Variants in ABCC6 observed in about 807,000 individuals in gnomAD.
ABCC6 encodes ATP binding cassette subfamily C member 6.
A neutral mutation model predicts 169.5 loss-of-function variants in ABCC6; 126 were observed. The ratio of observed to expected loss-of-function variants is 0.74; its 90% CI spans 0.64 to 0.86. ABCC6 has a LOEUF of 0.86. Ranked by LOEUF, ABCC6 falls within the 40% of genes least tolerant of loss-of-function variation. The pLI is 0.00. For missense variants in ABCC6, 1,733 were observed against 1,927.2 expected (o/e 0.90, Z 1.89); for synonymous variants, 752 against 814.7 (o/e 0.92, Z 1.31).
intron 15 of ABCC6, chr16:16,184,266 C>T (rs1223145026): frequency 6.8e-5 from 13 of 191,116 alleles, no homozygotes; most frequent in South Asian, 5.8e-4. Context: ...CTTATGATCT[C>T]GGCTTGAATG....
At chr16:16,201,913 C>T (rs1567527701) in intron 9 of ABCC6, 88 bp downstream of exon 9, 15 of 1,428,862 alleles carry the variant, frequency 1.0e-5, no homozygotes, top group Non-Finnish European at 1.5e-5. Flanking sequence ...GGACTGAATG[C>T]GTTCTCAGCT....
chr16:16,204,875 G>A (rs1377753467), intron 7 of ABCC6, among the ~76,000 whole-genome samples: 7 of 144,646 alleles, frequency 4.8e-5, no homozygotes, highest in Non-Finnish European at 9.0e-5. Flanking sequence ...CGCTCTTGTC[G>A]CCCAGGCTGG....
At chr16:16,164,416 G>A (rs2046817399) in intron 23 of ABCC6, among the ~76,000 whole-genome samples, 1 of 152,096 alleles carries the variant, frequency 6.6e-6, no homozygotes, top group Non-Finnish European at 1.5e-5. Context: ...TGTCAATCAT[G>A]GGACCTGATC....
chr16:16,161,673 C>A, intron 24 of ABCC6, 109 bp from the exon 25 acceptor site: 1 of 1,451,844 alleles, frequency 6.9e-7, no homozygotes, highest in African/African-American at 1.4e-5. Flanking sequence ...ACAGGGGTCC[C>A]AGCAATGGCC....
intron 17 of ABCC6, chr16:16,182,038 T>C (rs2047491916): frequency 2.8e-6 from 1 of 355,220 alleles, no homozygotes; most frequent in Non-Finnish European, 5.4e-6. Flanking sequence ...ATATATCCTG[T>C]TTCTTGGACA....
chr16:16,219,430 T>C (rs2049000861), intron 4 of ABCC6, 124 bp downstream of exon 4: 1 of 616,486 alleles, frequency 1.6e-6, no homozygotes, highest in Non-Finnish European at 2.9e-6. Context: ...AGAGTGTAAG[T>C]GACTGGCTTG....
chr16:16,153,679 C>T (rs762532710), intron 29 of ABCC6, among the ~76,000 whole-genome samples: 1 of 151,922 alleles, frequency 6.6e-6, no homozygotes, highest in African/African-American at 2.4e-5. Context: ...AATCCCAGCA[C>T]TTTGGGAGGC....
chr16:16,156,670 G>A lies in ABCC6; in HGVS notation c.3882+993C>T, dbSNP rs146292075. Among the ~76,000 whole-genome samples the A allele has an allele frequency of 2.8e-4, 43 of 152,238 alleles. 2 individuals carry two copies. The East Asian group carries it at 6.2e-3, about 22-fold the overall frequency. On this transcript the variant is annotated intron_variant, in intron 27 of 30. Coordinates refer to ENST00000205557, the MANE Select transcript of ABCC6 (RefSeq NM_001171.6). ...TGCTGATAAAGGTCACAGGATGGCT[G>A]GGCATGGTGGGTCATGCCTGTAGTC... is the stretch of plus-strand genomic sequence containing the variant.
intron 29 of ABCC6, 37 bp downstream of exon 29, chr16:16,154,591 C>G (rs768115549): frequency 5.0e-6 from 8 of 1,610,896 alleles, no homozygotes; most frequent in Non-Finnish European, 5.9e-6. Context: ...CCCTCCTCTC[C>G]CACCTGCAGG....
At position 16,214,560 on chromosome 16, in the gene ABCC6, T is replaced by C. The variant is rs1488365400; in HGVS notation, c.475-111A>G. 7 of 1,514,238 alleles carry C rather than the reference T, an allele frequency of 4.6e-6. No individual in the cohort carries two copies. The Admixed American group carries it at 1.5e-4, about 33-fold the overall frequency. The allele number at this position is 1,514,238 out of a possible 1,614,324, so 93.8% of individuals were successfully genotyped here. On this transcript the variant is annotated intron_variant, in intron 4 of 30. Transcript: ENST00000205557. ...CCCACTCTGGGGACCAGGGCAAGAGTATTTGAAAGCCAGAGCCCTGGCTTT... is the reference window on the plus strand; with the variant it reads ...CCCACTCTGGGGACCAGGGCAAGAGCATTTGAAAGCCAGAGCCCTGGCTTT...
At chr16:16,166,350 C>G (rs1464925767) in intron 22 of ABCC6, among the ~76,000 whole-genome samples, 1 of 151,972 alleles carries the variant, frequency 6.6e-6, no homozygotes, top group Non-Finnish European at 1.5e-5. Flanking sequence ...CGCCTGTACC[C>G]TGCTTGTTTC....
chr16:16,189,058 C>A, intron 12 of ABCC6, 84 bp from the exon 13 acceptor site: 1 of 1,507,638 alleles, frequency 6.6e-7, no homozygotes, highest in South Asian at 1.1e-5. Flanking sequence ...GGTGCCTGCA[C>A]GGTCCATGTG....
At chr16:16,153,334 C>T (rs892985928) in intron 29 of ABCC6, among the ~76,000 whole-genome samples, 1 of 152,152 alleles carries the variant, frequency 6.6e-6, no homozygotes, top group African/African-American at 2.4e-5. Flanking sequence ...GTGGTCTATC[C>T]ATGTAGTGGA....
At chr16:16,206,342 A>G (rs2048390307) in intron 7 of ABCC6, among the ~76,000 whole-genome samples, 1 of 152,086 alleles carries the variant, frequency 6.6e-6, no homozygotes, top group Non-Finnish European at 1.5e-5. Context: ...GGAGTGGTGG[A>G]GGCCGGGCAC....
rs2048252895 is a variant in ABCC6, at chr16:16,202,031, C to T, written c.1146G>A (p.Arg382=). The T allele has an allele frequency of 6.2e-7, 1 of 1,614,018 alleles. No individual in the cohort carries two copies. Among genetic ancestry groups the T allele is most frequent in the East Asian group, 2.2e-5 (1 of 44,882 alleles). ...TGTACACCAGGCCAGTGATGGCCGACCGCAACCTCATCTGCAGCACCTTGA... is the reference window on the plus strand; with the variant it reads ...TGTACACCAGGCCAGTGATGGCCGATCGCAACCTCATCTGCAGCACCTTGA... The part of the protein sequence containing the change: ...YRLKVLQMRL[R]SAITGLVYRK... Residue 382 remains arginine, a synonymous_variant, in exon 9 of 31, where the codon CGG becomes CGA. Transcript: ENST00000205557.
chr16:16,183,792 C>A (rs1029351116), intron 15 of ABCC6, among the ~76,000 whole-genome samples: 1 of 152,128 alleles, frequency 6.6e-6, no homozygotes, highest in Non-Finnish European at 1.5e-5. Flanking sequence ...CACACGACAG[C>A]CCCCAACAAA....
At chr16:16,180,780 C>T (rs1176916164) in intron 17 of ABCC6, among the ~76,000 whole-genome samples, 2 of 152,272 alleles carry the variant, frequency 1.3e-5, no homozygotes, top group South Asian at 2.1e-4. Flanking sequence ...CATGAGCCAC[C>T]GTACCCAGCC....
rs978223068 is a variant in ABCC6 at position 16,221,681 on chromosome 16, G to A, written c.187C>T (p.Leu63Phe). 2 of 1,613,824 alleles carry A rather than the reference G, an allele frequency of 1.2e-6. No homozygotes were observed. The highest frequency in any genetic ancestry group is 2.7e-5 in the African/African-American group (2 of 74,914). The change falls in exon 2 of 31, where the codon CTC becomes TTC. Residue 63 changes from leucine (L) to phenylalanine (F), a missense_variant. Coordinates refer to ENST00000205557, the MANE Select transcript of ABCC6 (RefSeq NM_001171.6). ...GCTTTGAAGAGTGGGGACATCCGGA[G>A]GTAGCCCCGGCCATGGTGGTGGATG... Reference protein sequence around the residue: ...LFIHHHGRGYLRMSPLFKAKM... With the variant: ...LFIHHHGRGYFRMSPLFKAKM...
chr16:16,150,542 G>A (rs1056108313), intron 30 of ABCC6, 36 bp downstream of exon 30: 23 of 1,598,924 alleles, frequency 1.4e-5, no homozygotes, highest in Non-Finnish European at 1.9e-5. Context: ...ACCACTGCAG[G>A]GCTGCTGTGA....
Sources: gnomAD v4.1 joint callset for allele counts (sites outside exome capture counted in the v4.1 genomes callset) on GRCh38, gnomAD v4.1.1 for gene constraint, MANE v1.5 for transcripts, NCBI Gene and HGNC (gene_info 2026-07-23, HGNC 2026-07-21) for gene names.